The following GYG2 variants were observed in gnomAD, a reference collection of about 807,000 sequenced individuals.
GYG2 encodes the protein glycogenin 2, also known as glycogenin-2.
Under a neutral mutation model 29.4 loss-of-function variants are expected in GYG2, and 29 were observed. The ratio of observed to expected loss-of-function variants is 0.99; its 90% CI spans 0.74 to 1.35. The LOEUF is 1.35. GYG2 is among the 40% of genes most tolerant of loss of function. The probability of loss-of-function intolerance (pLI) is 0.00; values close to 1 mark genes in which losing one functional copy is unlikely to be tolerated. For synonymous variants in GYG2, 167 were observed against 172.3 expected (o/e 0.97, Z 0.24); for missense variants, 370 against 385.7 (o/e 0.96, Z 0.34).
chrX:2,843,136 A>G, intron 2 of GYG2, 77 bp from the exon 3 acceptor site: 1 of 826,770 alleles, frequency 1.2e-6, no homozygotes, highest in East Asian at 3.1e-5. Flanking sequence ...TTGGGAGAGG[A>G]GAGGAGGTGA....
At chrX:2,862,947 C>A (rs1222909327) in intron 8 of GYG2, among the ~76,000 whole-genome samples, 1 of 109,856 alleles carries the variant, frequency 9.1e-6, no homozygotes, top group East Asian at 2.9e-4. Context: ...GTAGTCCCAG[C>A]TACTTGGGAG....
At chrX:2,832,483 C>T (rs935616883) in intron 2 of GYG2, among the ~76,000 whole-genome samples, 1 of 111,883 alleles carries the variant, frequency 8.9e-6, no homozygotes, top group Non-Finnish European at 1.9e-5. Flanking sequence ...TGAGGCCTCT[C>T]TCCTGGGCTT....
intron 1 of GYG2, among the ~76,000 whole-genome samples, chrX:2,829,678 G>A (rs775174595): frequency 9.3e-6 from 1 of 107,802 alleles, no homozygotes; most frequent in South Asian, 4.3e-4. Context: ...GTGGAGAGGG[G>A]TGACCGGGGG....
chrX:2,836,752 T>A (rs7892329), intron 2 of GYG2, among the ~76,000 whole-genome samples: 4 of 106,397 alleles, frequency 3.8e-5, no homozygotes, highest in African/African-American at 1.4e-4. Context: ...GCGGGTAGAT[T>A]GCCTGAGCCC....
chrX:2,864,015 G>C (rs993084856), intron 8 of GYG2, among the ~76,000 whole-genome samples: 1 of 112,135 alleles, frequency 8.9e-6, no homozygotes, highest in East Asian at 2.8e-4. Context: ...GGCATTCAAG[G>C]CTCATGCTTT....
At chrX:2,855,982 C>T (rs2087974670) in intron 5 of GYG2, among the ~76,000 whole-genome samples, 1 of 111,738 alleles carries the variant, frequency 8.9e-6, no homozygotes, top group South Asian at 3.7e-4. Context: ...TAAAAACATG[C>T]ACAGTGTGTA....
chrX:2,829,187 A>T, intron 1 of GYG2: 1 of 18,730 alleles, frequency 5.3e-5, no homozygotes, highest in Non-Finnish European at 1.0e-4. Flanking sequence ...CGAGGGGCGC[A>T]GGGGGCTGGA....
chrX:2,876,030 T>G, intron 9 of GYG2, 116 bp downstream of exon 9: 39 of 159,250 alleles, frequency 2.4e-4, no homozygotes, highest in East Asian at 2.5e-4. Context: ...TAAAAATTCC[T>G]CCCTTTTTTT....
intron 9 of GYG2, 113 bp from the exon 10 acceptor site, chrX:2,877,087 C>T: frequency 9.6e-7 from 1 of 1,043,825 alleles, no homozygotes; most frequent in South Asian, 2.3e-5. Flanking sequence ...CTGGCCTCAA[C>T]CCAATAATTT....
chrX:2,850,673 C>T (rs917617118), intron 3 of GYG2, among the ~76,000 whole-genome samples: 5 of 111,282 alleles, frequency 4.5e-5, no homozygotes, highest in Non-Finnish European at 9.4e-5. Flanking sequence ...ATGACATTAT[C>T]TTGTGAAATT....
intron 2 of GYG2, among the ~76,000 whole-genome samples, chrX:2,834,076 G>A (rs776709978): frequency 1.7e-4 from 19 of 112,474 alleles, no homozygotes; most frequent in African/African-American, 5.8e-4. Context: ...TTCTCCAGCT[G>A]CTGTTGCTAC....
intron 3 of GYG2, among the ~76,000 whole-genome samples, chrX:2,848,202 C>G (rs1179860873): frequency 1.8e-5 from 2 of 111,282 alleles, no homozygotes; most frequent in African/African-American, 3.3e-5. Context: ...CTCTAGCACG[C>G]CAGAAGCAAA....
At chrX:2,861,758 G>A in intron 8 of GYG2, 36 bp downstream of exon 8, 7 of 1,044,982 alleles carry the variant, frequency 6.7e-6, no homozygotes, top group Non-Finnish European at 9.2e-6. Flanking sequence ...GTGATAGTCA[G>A]ACGCTGGCTC....
chrX:2,843,122 A>C (rs746374145), intron 2 of GYG2, 91 bp from the exon 3 acceptor site: 5 of 766,478 alleles, frequency 6.5e-6, no homozygotes, highest in Middle Eastern at 5.7e-4. Flanking sequence ...CCAAGCCATG[A>C]ATCTTGGGAG....
chrX:2,844,842 ATG>A (rs770844411), intron 3 of GYG2, among the ~76,000 whole-genome samples: 9 of 106,743 alleles, frequency 8.4e-5, no homozygotes, highest in African/African-American at 3.1e-4. Flanking sequence ...ATGTACATGT[ATG>A]TGTATATATT....
At chrX:2,868,411 C>A (rs767433724) in intron 8 of GYG2, among the ~76,000 whole-genome samples, 1 of 95,788 alleles carries the variant, frequency 1.0e-5, no homozygotes, top group Non-Finnish European at 2.0e-5. Flanking sequence ...GAGCTGAGAT[C>A]GTGCCAGTGC....
intron 9 of GYG2, among the ~76,000 whole-genome samples, chrX:2,876,897 C>T (rs965136923): frequency 9.1e-6 from 1 of 110,321 alleles, no homozygotes; most frequent in Admixed American, 9.6e-5. Flanking sequence ...TGCAGTGAGC[C>T]GAGATCACGT....
chrX:2,880,965 G>C (rs1231654594), intron 10 of GYG2, 87 bp from the exon 11 acceptor site: 12 of 814,366 alleles, frequency 1.5e-5, no homozygotes, highest in Non-Finnish European at 2.1e-5. Context: ...ATCTTTCTGC[G>C]GGACCCTACA....
intron 3 of GYG2, among the ~76,000 whole-genome samples, chrX:2,846,694 A>G (rs2087745986): frequency 9.0e-6 from 1 of 111,720 alleles, no homozygotes; most frequent in African/African-American, 3.3e-5. Context: ...GTAGTGAGTT[A>G]TGATCACACC....
Sources: allele counts gnomAD v4.1 joint callset (sites outside exome capture counted in the v4.1 genomes callset), GRCh38; gene constraint gnomAD v4.1.1; transcripts MANE v1.5; gene names NCBI Gene and HGNC (gene_info 2026-07-23, HGNC 2026-07-21).